BMPR2: variants seen among roughly 807,000 people sequenced by gnomAD.
BMPR2 encodes the protein bone morphogenetic protein receptor type 2.
BMPR2 carries 29 observed loss-of-function variants against 100.8 expected under a neutral mutation model. The ratio of observed to expected loss-of-function variants is 0.29; its 90% CI spans 0.21 to 0.39. The LOEUF is 0.39. Ranked by LOEUF, BMPR2 falls within the 10% of genes least tolerant of loss-of-function variation. BMPR2 has a pLI of 1.00. For synonymous variants in BMPR2, 382 were observed against 442.3 expected (o/e 0.86, Z 1.71); for missense variants, 1,011 against 1,274.5 (o/e 0.79, Z 3.15).
intron 10 of BMPR2, among the ~76,000 whole-genome samples, chr2:202,544,313 T>C (rs137976140): frequency 2.0e-4 from 31 of 152,342 alleles, no homozygotes; most frequent in African/African-American, 7.2e-4. Context: ...CCTTAAGTAA[T>C]GTGTATTAGT....
At chr2:202,510,083 G>A (rs938211771) in intron 3 of BMPR2, among the ~76,000 whole-genome samples, 2 of 152,114 alleles carry the variant, frequency 1.3e-5, no homozygotes, top group African/African-American at 4.8e-5. Flanking sequence ...TTTGTTTCAC[G>A]TTAGACTACG....
At chr2:202,487,038 T>C (rs1363373266) in intron 3 of BMPR2, among the ~76,000 whole-genome samples, 3 of 151,936 alleles carry the variant, frequency 2.0e-5, no homozygotes, top group African/African-American at 4.9e-5. Context: ...ATTATACTTA[T>C]TATAATTGAT....
intron 3 of BMPR2, among the ~76,000 whole-genome samples, chr2:202,471,543 C>T (rs2105965606): frequency 6.6e-6 from 1 of 152,218 alleles, no homozygotes; most frequent in African/African-American, 2.4e-5. Context: ...ATATTCCAGT[C>T]AAGAATGCAT....
chr2:202,481,027 A>G (rs926212577), intron 3 of BMPR2, among the ~76,000 whole-genome samples: 3 of 150,310 alleles, frequency 2.0e-5, no homozygotes, highest in Non-Finnish European at 2.9e-5. Flanking sequence ...TCTTAATTCT[A>G]TTCCATTCAT....
At chr2:202,394,339 G>A (rs998751798) in intron 1 of BMPR2, among the ~76,000 whole-genome samples, 1 of 148,818 alleles carries the variant, frequency 6.7e-6, no homozygotes. Context: ...CAACAAGAGT[G>A]AAACAACGTC....
intron 1 of BMPR2, among the ~76,000 whole-genome samples, chr2:202,388,359 T>G (rs574901759): frequency 5.7e-5 from 7 of 123,268 alleles, no homozygotes; most frequent in Non-Finnish European, 9.4e-5. Context: ...ATTGTGTCAC[T>G]GCACTCTAGC....
Position 202,514,960 on chromosome 2 carries a change from A to T in BMPR2, c.602A>T (p.Asp201Val). The change falls in exon 5 of 13, where the codon GAT (aspartate) becomes GTT (valine). Residue 201 changes from aspartate to valine, a missense_variant. Physicochemically the swap from Asp to Val is radical, Grantham distance 152 (BLOSUM62 -3). Transcript: ENST00000374580. ...AAASEPSLDLDNLKLLELIGR... is the reference protein window; with the variant it reads ...AAASEPSLDLVNLKLLELIGR... ...GCATCCGAACCCTCTCTTGATCTAGATAATCTGAAACTGTTGGAGGTAAGT... is the reference window on the plus strand; with the variant it reads ...GCATCCGAACCCTCTCTTGATCTAGTTAATCTGAAACTGTTGGAGGTAAGT... 1 of 1,614,124 alleles carries T rather than the reference A, an allele frequency of 6.2e-7. No individual in the cohort carries two copies. Among genetic ancestry groups the T allele is most frequent in the Non-Finnish European group, 8.5e-7 (1 of 1,180,018 alleles).
At chr2:202,437,656 A>G (rs1342877921) in intron 1 of BMPR2, among the ~76,000 whole-genome samples, 5 of 150,204 alleles carry the variant, frequency 3.3e-5, no homozygotes, top group Admixed American at 3.3e-4. Flanking sequence ...CCACTAATCT[A>G]CTTTCTGTCT....
chr2:202,486,777 G>C (rs1692787530), intron 3 of BMPR2, among the ~76,000 whole-genome samples: 2 of 152,206 alleles, frequency 1.3e-5, no homozygotes. Context: ...TATAATCCCA[G>C]CACTTTGGCA....
In BMPR2 at chr2:202,563,935, T is replaced by A. The variant is rs1688714661; in HGVS notation, c.*3989T>A. ...GTTTAGTATAGCTTCTTTACATGTATCCACTTGTTCCAGAAAATGTGCATT... is the reference window on the plus strand; with the variant it reads ...GTTTAGTATAGCTTCTTTACATGTAACCACTTGTTCCAGAAAATGTGCATT... On this transcript the variant is annotated 3_prime_UTR_variant, in exon 13 of 13. Coordinates refer to ENST00000374580, the MANE Select transcript of BMPR2 (RefSeq NM_001204.7). The A allele has an allele frequency of 3.3e-5, 5 of 152,246 alleles. No homozygotes were observed. The highest frequency in any genetic ancestry group is 2.6e-4 in the Admixed American group (4 of 15,290). The allele number at this position is 152,246 out of a possible 1,614,324, so 9.4% of individuals were successfully genotyped here.
intron 1 of BMPR2, among the ~76,000 whole-genome samples, chr2:202,464,013 G>T (rs1045219560): frequency 2.0e-5 from 3 of 151,932 alleles, no homozygotes; most frequent in Non-Finnish European, 4.4e-5. Flanking sequence ...TACAAAATTA[G>T]CCGGGCGTGG....
chr2:202,494,123 T>C (rs532589462), intron 3 of BMPR2, among the ~76,000 whole-genome samples: 1 of 152,354 alleles, frequency 6.6e-6, no homozygotes, highest in African/African-American at 2.4e-5. Context: ...GTTCAAAACA[T>C]TGAGCTCCAC....
rs1687434186 is a variant in BMPR2 at position 202,503,067 on chromosome 2, CT to C, written c.419-10651del. 6.6e-6 allele frequency among the ~76,000 whole-genome samples: 1 copy of C among 152,258 alleles called. No individual in the cohort carries two copies. Among genetic ancestry groups the C allele is most frequent in the Non-Finnish European group, 1.5e-5 (1 of 68,046 alleles). ...CTGGACCGACCCTCTGGCACTTCCC[CT>C]GGCCTAGAGAGTTCCCCTCTGAAGG... On this transcript the variant is annotated intron_variant, in intron 3 of 12. Coordinates refer to ENST00000374580, the MANE Select transcript of BMPR2 (RefSeq NM_001204.7). This position sits in a 1 kb window ranked among gnomAD's most constrained non-coding sequence, Gnocchi z 4.0.
At chr2:202,406,838 C>G (rs1487402336) in intron 1 of BMPR2, among the ~76,000 whole-genome samples, 2 of 152,154 alleles carry the variant, frequency 1.3e-5, no homozygotes, top group African/African-American at 2.4e-5. Flanking sequence ...AAACTTAAAG[C>G]TGTAGTAATG....
chr2:202,391,366 T>C (rs959981096), intron 1 of BMPR2, among the ~76,000 whole-genome samples: 1 of 148,134 alleles, frequency 6.8e-6, no homozygotes, highest in African/African-American at 2.5e-5. Flanking sequence ...TGCAGTGGTA[T>C]GATCACAGTT....
At chr2:202,434,350 A>T (rs1691564557) in intron 1 of BMPR2, among the ~76,000 whole-genome samples, 1 of 150,668 alleles carries the variant, frequency 6.6e-6, no homozygotes, top group African/African-American at 2.5e-5. Context: ...GGTCATGGCA[A>T]CAGTTTTTTG....
rs1466796813 is a variant in BMPR2, at chr2:202,464,883, A to G, written c.151A>G (p.Ile51Val). 1.9e-6 allele frequency: 3 copies of G among 1,613,892 alleles called. No homozygotes were observed. The highest frequency in any genetic ancestry group is 2.5e-6 in the Non-Finnish European group (3 of 1,179,760). Reference protein sequence around the residue: ...QQDLGIGESRISHENGTILCS... With the variant: ...QQDLGIGESRVSHENGTILCS... ...AGACCTTGGGATAGGTGAGAGTAGA[A>G]TCTCTCATGAAAATGGGACAATATT... The change falls in exon 2 of 13, where the codon ATC becomes GTC. Residue 51 changes from isoleucine (I) to valine (V), a missense_variant. Ile to Val is a conservative substitution (Grantham distance 29, BLOSUM62 3). Coordinates refer to ENST00000374580, the MANE Select transcript of BMPR2 (RefSeq NM_001204.7).
chr2:202,465,622 G>A (rs926421174), intron 2 of BMPR2, among the ~76,000 whole-genome samples: 10 of 152,126 alleles, frequency 6.6e-5, no homozygotes, highest in Admixed American at 2.0e-4. Flanking sequence ...ACTTTGGGAG[G>A]CCGAGGCGGG....
rs761733199 is a variant in BMPR2 at position 202,518,961 on chromosome 2, A to G, written c.761A>G (p.His254Arg). Residue 254 changes from histidine to arginine, a missense_variant, in exon 6 of 13, where the codon CAT (histidine) becomes CGT (arginine). Physicochemically the swap from His to Arg is conservative, Grantham distance 29. This residue lies in a region of BMPR2 where 355 missense variants were observed against 455.3 expected (regional missense o/e 0.78). Coordinates refer to ENST00000374580, the MANE Select transcript of BMPR2 (RefSeq NM_001204.7). ...ATTTACAGAGTGCCTTTGATGGAAC[A>G]TGACAACATTGCCCGCTTTATAGTT... ...KNIYRVPLME[H>R]DNIARFIVGD... The G allele has an allele frequency of 1.2e-6, 2 of 1,614,242 alleles. No homozygotes were observed. The highest frequency in any genetic ancestry group is 1.1e-5 in the South Asian group (1 of 91,086).
Sources: allele counts gnomAD v4.1 joint callset (sites outside exome capture counted in the v4.1 genomes callset), GRCh38; gene constraint gnomAD v4.1.1; regional missense constraint gnomAD v4.1.1; non-coding constraint Gnocchi (gnomAD v3.1); transcripts MANE v1.5; gene names NCBI Gene and HGNC (gene_info 2026-07-23, HGNC 2026-07-21).